The following CPD variants were observed in gnomAD, a reference collection of about 807,000 sequenced individuals.
The protein encoded by CPD is carboxypeptidase D, also known as metallocarboxypeptidase D.
CPD carries 69 observed loss-of-function variants against 138.3 expected under a neutral mutation model. The observed-to-expected ratio is 0.50, with a 90% confidence interval of 0.41 to 0.61. The LOEUF (loss-of-function observed/expected upper bound fraction) is 0.61, where lower values mean the gene tolerates loss of function less well. Ranked by LOEUF, CPD falls within the 20% of genes least tolerant of loss-of-function variation. The probability of loss-of-function intolerance (pLI) is 0.00; values close to 1 mark genes in which losing one functional copy is unlikely to be tolerated. For synonymous variants in CPD, 651 were observed against 642.1 expected, an observed-to-expected ratio of 1.01 and a Z score of -0.21; for missense variants, 1,432 against 1,733.3, an observed-to-expected ratio of 0.83 and a Z score of 3.09.
chr17:30,462,255 C>A, intron 19 of CPD, 115 bp from the exon 20 acceptor site: 1 of 1,057,970 alleles, frequency 9.5e-7, no homozygotes, highest in Non-Finnish European at 1.4e-6. Flanking sequence ...ATTTTGTATA[C>A]TTTAGATGGC....
At chr17:30,422,629 A>G in intron 4 of CPD, 45 bp from the exon 5 acceptor site, 1 of 1,281,108 alleles carries the variant, frequency 7.8e-7, no homozygotes, top group Non-Finnish European at 1.1e-6. Context: ...AAAGCATTGT[A>G]TGTCTTAACT....
Position 30,468,289 on chromosome 17 carries a change from A to G in CPD, c.*3475A>G, listed in dbSNP as rs1913697277. The G allele has an allele frequency of 6.6e-6, 1 of 152,644 alleles. No individual in the cohort carries two copies. The highest frequency in any genetic ancestry group is 1.5e-5 in the Non-Finnish European group (1 of 68,014). 9.5% of individuals were successfully genotyped at this position (152,644 alleles called of 1,614,324 possible). A position where few individuals can be genotyped will look rare whatever the true frequency, so the allele number is the denominator to read the frequency against. On this transcript the variant is annotated 3_prime_UTR_variant, in exon 21 of 21. Coordinates refer to ENST00000225719, the MANE Select transcript of CPD (RefSeq NM_001304.5). ...GTAAATATGTATGATTATGATTTTT[A>G]TAAATGGCATAACATGAGTGTACTA...
chr17:30,464,951 C>A lies in CPD; in HGVS notation c.*137C>A, dbSNP rs1597740986. On this transcript the variant is annotated 3_prime_UTR_variant, in exon 21 of 21. Transcript: ENST00000225719. ...GAAATTAAATTGCTAAATTTGTATTCTCTGTGAATTTCACTGGCAGTTTTG... is the reference window on the plus strand; with the variant it reads ...GAAATTAAATTGCTAAATTTGTATTATCTGTGAATTTCACTGGCAGTTTTG... The A allele has an allele frequency of 1.4e-6, 1 of 700,174 alleles. No homozygotes were observed. Among genetic ancestry groups the A allele is most frequent in the Non-Finnish European group, 2.4e-6 (1 of 422,562 alleles). The allele number at this position is 700,174 out of a possible 1,614,324, so 43.4% of individuals were successfully genotyped here. A position where few individuals can be genotyped will look rare whatever the true frequency, so the allele number is the denominator to read the frequency against.
chr17:30,458,040 A>G (rs908365119), intron 17 of CPD, among the ~76,000 whole-genome samples: 5 of 151,974 alleles, frequency 3.3e-5, no homozygotes, highest in African/African-American at 1.2e-4. Flanking sequence ...AAAAATACAA[A>G]AAAATTAGCT....
At chr17:30,437,483 G>A (rs150060446) in intron 8 of CPD, among the ~76,000 whole-genome samples, 3 of 152,114 alleles carry the variant, frequency 2.0e-5, no homozygotes, top group Admixed American at 6.5e-5. Context: ...CCAGGAGTTC[G>A]AGACCAGCCT....
chr17:30,410,722 C>G (rs1181960562), intron 2 of CPD, among the ~76,000 whole-genome samples: 2 of 152,176 alleles, frequency 1.3e-5, no homozygotes, highest in Non-Finnish European at 1.5e-5. Flanking sequence ...AGATCTTCCT[C>G]CATCCCTTTA....
At chr17:30,450,753 G>A (rs1199028523) in intron 13 of CPD, among the ~76,000 whole-genome samples, 2 of 152,118 alleles carry the variant, frequency 1.3e-5, no homozygotes, top group African/African-American at 4.8e-5. Flanking sequence ...TAGCTACTTG[G>A]GACGCTAAAG....
chr17:30,465,157 G>A lies in CPD; in HGVS notation c.*343G>A, dbSNP rs1427238883. The A allele has an allele frequency of 9.9e-6, 2 of 201,052 alleles. No homozygotes were observed. The highest frequency in any genetic ancestry group is 4.7e-5 in the African/African-American group (2 of 42,454). 12.5% of individuals were successfully genotyped at this position (201,052 alleles called of 1,614,324 possible). A position where few individuals can be genotyped will look rare whatever the true frequency, so the allele number is the denominator to read the frequency against. ...CATCAGATGTTTACTAGTGGCTTTA[G>A]TATTTTTCTTTGTTTTAAATGGCCA... On this transcript the variant is annotated 3_prime_UTR_variant, in exon 21 of 21. Coordinates refer to ENST00000225719, the MANE Select transcript of CPD (RefSeq NM_001304.5).
intron 2 of CPD, among the ~76,000 whole-genome samples, chr17:30,415,067 A>G (rs1912069069): frequency 6.6e-6 from 1 of 152,206 alleles, no homozygotes; most frequent in Non-Finnish European, 1.5e-5. Context: ...AACCTTAGGG[A>G]TGCCACCTCT....
At chr17:30,391,521 G>A (rs936177022) in intron 2 of CPD, among the ~76,000 whole-genome samples, 2 of 152,196 alleles carry the variant, frequency 1.3e-5, no homozygotes, top group Non-Finnish European at 1.5e-5. Flanking sequence ...ACTTTTAGAA[G>A]TTTTCTTGGG....
chr17:30,445,005 G>A (rs746558412), intron 11 of CPD, among the ~76,000 whole-genome samples: 1 of 151,998 alleles, frequency 6.6e-6, no homozygotes. Context: ...CAGGGGATCC[G>A]AGAAACAGGG....
intron 7 of CPD, 109 bp downstream of exon 7, chr17:30,427,667 T>G (rs1386491820): frequency 2.1e-6 from 2 of 941,244 alleles, no homozygotes; most frequent in Non-Finnish European, 3.3e-6. Context: ...GAGTATCCTG[T>G]TACTGCTCTT....
intron 2 of CPD, among the ~76,000 whole-genome samples, chr17:30,385,506 A>ACACACACACACACACACGCG (rs963419392): frequency 4.3e-5 from 1 of 23,068 alleles, no homozygotes; most frequent in Non-Finnish European, 6.8e-5. Context: ...ATGTGCATGC[A>ACACACACACACACACACGCG]CACACACACA....
intron 14 of CPD, among the ~76,000 whole-genome samples, chr17:30,453,188 C>T (rs961348229): frequency 3.3e-5 from 5 of 152,196 alleles, no homozygotes; most frequent in African/African-American, 1.2e-4. Flanking sequence ...TCAGCATTAA[C>T]TCAAAAGTCC....
At chr17:30,411,163 T>C in intron 2 of CPD, among the ~76,000 whole-genome samples, 1 of 152,224 alleles carries the variant, frequency 6.6e-6, no homozygotes, top group East Asian at 1.9e-4. Flanking sequence ...AATTCTTTCT[T>C]TTAAGAATGT....
At chr17:30,456,577 C>T (rs1409797434) in intron 17 of CPD, 51 bp downstream of exon 17, 8 of 1,565,652 alleles carry the variant, frequency 5.1e-6, no homozygotes, top group South Asian at 2.2e-5. Context: ...GGCACAATGC[C>T]GTATGTGTAA....
chr17:30,411,805 T>C (rs1384584182), intron 2 of CPD, among the ~76,000 whole-genome samples: 1 of 152,236 alleles, frequency 6.6e-6, no homozygotes, highest in Non-Finnish European at 1.5e-5. Context: ...GGTTAGAACA[T>C]GTTTCTTTAG....
At chr17:30,456,146 G>T in intron 15 of CPD, 110 bp from the exon 16 acceptor site, 1 of 741,784 alleles carries the variant, frequency 1.3e-6, no homozygotes, top group East Asian at 2.6e-5. Context: ...TACTTAAGTG[G>T]AGTGCAAAAT....
intron 2 of CPD, among the ~76,000 whole-genome samples, chr17:30,419,398 G>C (rs1912204845): frequency 6.6e-6 from 1 of 152,176 alleles, no homozygotes; most frequent in Non-Finnish European, 1.5e-5. Context: ...GGAGTGCAGT[G>C]GCACTATCTC....
Sources: gnomAD v4.1 joint callset for allele counts (sites outside exome capture counted in the v4.1 genomes callset) on GRCh38, gnomAD v4.1.1 for gene constraint, MANE v1.5 for transcripts, NCBI Gene and HGNC (gene_info 2026-07-23, HGNC 2026-07-21) for gene names.